GALNT13: variants seen among roughly 807,000 people sequenced by gnomAD.
GALNT13 encodes the protein UDP-GalNAc:polypeptide N-acetylgalactosaminyltransferase 13.
Under a neutral mutation model 64.2 loss-of-function variants are expected in GALNT13, and 28 were observed. The ratio of observed to expected loss-of-function variants is 0.44; its 90% CI spans 0.32 to 0.60. The LOEUF (loss-of-function observed/expected upper bound fraction) is 0.60, where lower values mean the gene tolerates loss of function less well. Ranked by LOEUF, GALNT13 falls within the 20% of genes least tolerant of loss-of-function variation. The probability of loss-of-function intolerance (pLI) is 0.05; values close to 1 mark genes in which losing one functional copy is unlikely to be tolerated. For synonymous variants in GALNT13, 214 were observed against 224.6 expected, an observed-to-expected ratio of 0.95 and a Z score of 0.42; for missense variants, 577 against 669.8, an observed-to-expected ratio of 0.86 and a Z score of 1.53.
chr2:154,313,926 T>A (rs953453424), intron 9 of GALNT13, among the ~76,000 whole-genome samples: 1 of 152,186 alleles, frequency 6.6e-6, no homozygotes, highest in Non-Finnish European at 1.5e-5. Flanking sequence ...ATTAATAAAT[T>A]CTACCCCAAT....
At chr2:153,290,245 A>G in the GALNT13 span, among the ~76,000 whole-genome samples, 1 of 152,254 alleles carries the variant, frequency 6.6e-6, no homozygotes, top group Non-Finnish European at 1.5e-5. Flanking sequence ...TTAGCTAAGG[A>G]TTTTGGTAAG....
chr2:153,160,971 T>C, the GALNT13 span, among the ~76,000 whole-genome samples: 130 of 152,310 alleles, frequency 8.5e-4, no homozygotes, highest in African/African-American at 3.0e-3. Flanking sequence ...CCAGTGACGA[T>C]GTCTATGCAA....
chr2:153,307,440 A>T, the GALNT13 span, among the ~76,000 whole-genome samples: 1 of 152,328 alleles, frequency 6.6e-6, no homozygotes, highest in South Asian at 2.1e-4. Flanking sequence ...GCAATAGTAA[A>T]TAAATGGCAT....
chr2:153,427,503 C>G, the GALNT13 span, among the ~76,000 whole-genome samples: 1 of 151,222 alleles, frequency 6.6e-6, no homozygotes, highest in Non-Finnish European at 1.5e-5. Context: ...AAGACAAGGT[C>G]AAAGAAAGAT....
chr2:153,995,363 A>G (rs911376518), intron 3 of GALNT13, among the ~76,000 whole-genome samples: 21 of 152,162 alleles, frequency 1.4e-4, no homozygotes, highest in Non-Finnish European at 2.2e-4. Context: ...TGTGTTATAC[A>G]TAAAAATAAA....
At chr2:154,219,227 G>A (rs1369256554) in intron 4 of GALNT13, among the ~76,000 whole-genome samples, 1 of 151,954 alleles carries the variant, frequency 6.6e-6, no homozygotes, top group Non-Finnish European at 1.5e-5. Context: ...TGTGACAAGT[G>A]CTTTACATGT....
At chr2:153,653,800 T>A in the GALNT13 span, among the ~76,000 whole-genome samples, 1 of 152,186 alleles carries the variant, frequency 6.6e-6, no homozygotes, top group Non-Finnish European at 1.5e-5. Context: ...CTTATATGAA[T>A]ATATTTTGGA....
At chr2:154,114,221 C>A (rs1405029023) in intron 3 of GALNT13, among the ~76,000 whole-genome samples, 1 of 152,114 alleles carries the variant, frequency 6.6e-6, no homozygotes, top group East Asian at 1.9e-4. Flanking sequence ...TTGCCTTTCC[C>A]ACCATAATAT....
chr2:154,181,195 T>A (rs1685940068), intron 4 of GALNT13, among the ~76,000 whole-genome samples: 2 of 152,206 alleles, frequency 1.3e-5, no homozygotes, highest in Non-Finnish European at 2.9e-5. Flanking sequence ...TTTAGTCACT[T>A]TTATGATTTT....
chr2:153,760,449 T>G, the GALNT13 span, among the ~76,000 whole-genome samples: 1 of 152,066 alleles, frequency 6.6e-6, no homozygotes, highest in Non-Finnish European at 1.5e-5. Context: ...CCATTATTGT[T>G]TGTCTTAAGT....
the GALNT13 span, among the ~76,000 whole-genome samples, chr2:153,772,133 G>A: frequency 1.2e-4 from 19 of 152,154 alleles, no homozygotes; most frequent in African/African-American, 4.6e-4. Flanking sequence ...ATTCAATTCT[G>A]GCTGTGAGCA....
chr2:153,622,150 A>G, the GALNT13 span, among the ~76,000 whole-genome samples: 3 of 152,130 alleles, frequency 2.0e-5, no homozygotes, highest in Non-Finnish European at 4.4e-5. Flanking sequence ...AGCATTTCAT[A>G]AATACGTAGG....
At chr2:153,859,277 A>G in the GALNT13 span, among the ~76,000 whole-genome samples, 3 of 152,212 alleles carry the variant, frequency 2.0e-5, no homozygotes, top group African/African-American at 7.2e-5. Context: ...TAATTTTCTA[A>G]TGTTGGATTA....
chr2:154,114,027 CA>C (rs1170097991), intron 3 of GALNT13, among the ~76,000 whole-genome samples: 2 of 152,230 alleles, frequency 1.3e-5, no homozygotes, highest in Non-Finnish European at 2.9e-5. Flanking sequence ...TGTCATTCTC[CA>C]AGAGCCGTCT....
At chr2:153,465,951 C>A in the GALNT13 span, among the ~76,000 whole-genome samples, 1 of 152,036 alleles carries the variant, frequency 6.6e-6, no homozygotes, top group Non-Finnish European at 1.5e-5. Flanking sequence ...TCCAAAGACC[C>A]TGAGCAGGCT....
the GALNT13 span, among the ~76,000 whole-genome samples, chr2:153,780,703 G>A: frequency 6.6e-6 from 1 of 151,904 alleles, no homozygotes; most frequent in South Asian, 2.1e-4. Flanking sequence ...TATTTTTTGG[G>A]GGGAGATATG....
intron 4 of GALNT13, among the ~76,000 whole-genome samples, chr2:154,149,587 T>C (rs1025273068): frequency 6.6e-6 from 1 of 152,212 alleles, no homozygotes; most frequent in Non-Finnish European, 1.5e-5. Context: ...TTTCTTTGTA[T>C]CCTCTTTTAT....
intron 3 of GALNT13, among the ~76,000 whole-genome samples, chr2:154,020,799 G>A (rs929553882): frequency 2.0e-5 from 3 of 151,832 alleles, no homozygotes; most frequent in Admixed American, 2.0e-4. Flanking sequence ...GAATGGTATT[G>A]CCTAGGTTTT....
chr2:153,953,224 C>T (rs1692322830), intron 3 of GALNT13, among the ~76,000 whole-genome samples: 2 of 151,892 alleles, frequency 1.3e-5, no homozygotes, highest in Non-Finnish European at 2.9e-5. Context: ...AAACATATGA[C>T]ATATGCATAG....
Sources: gnomAD v4.1 joint callset for allele counts (sites outside exome capture counted in the v4.1 genomes callset) on GRCh38, gnomAD v4.1.1 for gene constraint, MANE v1.5 for transcripts, NCBI Gene and HGNC (gene_info 2026-07-23, HGNC 2026-07-21) for gene names.